The following GGN variants were observed in gnomAD, a reference collection of about 807,000 sequenced individuals.
GGN encodes gametogenetin.
In GGN, 27 loss-of-function variants were observed where a neutral mutation model predicts 35.5. The observed-to-expected ratio is 0.76, with a 90% CI of 0.56 to 1.05. GGN has a LOEUF of 1.05. GGN is among the 50% of genes least tolerant of loss of function. The pLI is 0.00. For missense variants in GGN, 1,006 were observed against 940.7 expected (o/e 1.07, Z -0.91); for synonymous variants, 425 against 444.1 (o/e 0.96, Z 0.54).
chr19:38,386,079 C>T lies in GGN; in HGVS notation c.1183G>A (p.Glu395Lys). The change falls in exon 3 of 4, where the codon GAG (glutamate) becomes AAG (lysine). Residue 395 changes from glutamate to lysine, a missense_variant. Transcript: ENST00000334928. Reference sequence around the variant, plus strand: ...GGCCCGGGAGCTGAGTGTATCTGCTCTGGTGGTGGCGGAGGGGAGCCCCAA... The same window carrying T: ...GGCCCGGGAGCTGAGTGTATCTGCTTTGGTGGTGGCGGAGGGGAGCCCCAA... ...GPWGSPPPPP[E>K]QIHSAPGPRR... 1.9e-6 allele frequency: 3 copies of T among 1,587,330 alleles called. No individual in the cohort carries two copies. The highest frequency in any genetic ancestry group is 2.6e-6 in the Non-Finnish European group (3 of 1,168,726).
rs1970715163 is a variant in GGN at position 38,386,112 on chromosome 19, A to T, written c.1150T>A (p.Ser384Thr). The change falls in exon 3 of 4, where the codon TCT becomes ACT. Residue 384 changes from serine (S) to threonine (T), a missense_variant. By Grantham distance (58) the Ser-to-Thr change is moderately conservative (BLOSUM62 1). Coordinates refer to ENST00000334928, the MANE Select transcript of GGN (RefSeq NM_152657.4). ...GGCGGAGGGGAGCCCCAAGGCCCAG[A>T]GAGTGCGGCCGCACGCCGTCGCGGC... is the stretch of plus-strand genomic sequence containing the variant. ...GAPRRRAAAL[S>T]GPWGSPPPPP... 1 of 1,584,364 alleles carries T rather than the reference A, an allele frequency of 6.3e-7. No individual in the cohort carries two copies. Among genetic ancestry groups the T allele is most frequent in the South Asian group, 1.1e-5 (1 of 88,374 alleles).
At chr19:38,385,341 G>A (rs1316835647) in intron 3 of GGN, 80 bp downstream of exon 3, 42 of 1,582,836 alleles carry the variant, frequency 2.7e-5, no homozygotes, top group Non-Finnish European at 3.4e-5. Context: ...TCATTCTAGG[G>A]TCAGGAAGCC....
chr19:38,386,009 A>G lies in GGN; in HGVS notation c.1253T>C (p.Phe418Ser). 1 of 1,607,726 alleles carries G rather than the reference A, an allele frequency of 6.2e-7. No individual in the cohort carries two copies. Among genetic ancestry groups the G allele is most frequent in the South Asian group, 1.1e-5 (1 of 90,274 alleles). Residue 418 changes from phenylalanine (F) to serine (S), a missense_variant, in exon 3 of 4, where the codon TTC (phenylalanine) becomes TCC (serine). By Grantham distance (155) the Phe-to-Ser change is radical. Coordinates refer to ENST00000334928, the MANE Select transcript of GGN (RefSeq NM_152657.4). ...GGGCTCGCCATTGGTGGGTGCTGGGAAGATGAACGTAGGCGGCGCCAGCAG... is the reference window on the plus strand; with the variant it reads ...GGGCTCGCCATTGGTGGGTGCTGGGGAGATGAACGTAGGCGGCGCCAGCAG... ...PALLAPPTFI[F>S]PAPTNGEPMR...
In GGN at chr19:38,385,664, G is replaced by A. The variant is rs868626964; in HGVS notation, c.1598C>T (p.Ala533Val). Residue 533 changes from alanine (A) to valine (V), a missense_variant, in exon 3 of 4, where the codon GCA becomes GTA. Ala to Val is a moderately conservative substitution (Grantham distance 64). Coordinates refer to ENST00000334928, the MANE Select transcript of GGN (RefSeq NM_152657.4). ...ATCCTTACGGGTCGCGCCCCGGGCTGCACGGGAACCCTTGTTCCTGCGCGT... is the reference window on the plus strand; with the variant it reads ...ATCCTTACGGGTCGCGCCCCGGGCTACACGGGAACCCTTGTTCCTGCGCGT... The part of the protein sequence containing the change: ...TRTRRNKGSR[A>V]ARGATRKDGL... 6.2e-7 allele frequency: 1 copy of A among 1,613,788 alleles called. No homozygotes were observed.
At position 38,385,437 on chromosome 19, in the gene GGN, G is replaced by A. The variant is rs781537081; in HGVS notation, c.1825C>T (p.Arg609Cys). The change falls in exon 3 of 4, where the codon CGC becomes TGC. Residue 609 changes from arginine to cysteine, a missense_variant. Coordinates refer to ENST00000334928, the MANE Select transcript of GGN (RefSeq NM_152657.4). ...CCCTCTCACCAGGCAGAGACGTTGC[G>A]TGGCAGGCGGCGATGGCGTGGCTGG... ...HHQPRHRRLP[R>C]NVSAWLSTST... The A allele has an allele frequency of 3.3e-5, 54 of 1,614,006 alleles. No individual in the cohort carries two copies. The highest frequency in any genetic ancestry group is 4.5e-5 in the Non-Finnish European group (53 of 1,180,056).
chr19:38,385,090 C>T (rs559116589), intron 3 of GGN, among the ~76,000 whole-genome samples: 2 of 152,304 alleles, frequency 1.3e-5, no homozygotes, highest in African/African-American at 4.8e-5. Flanking sequence ...TCCTTGATAC[C>T]CTCAGGGACA....
In GGN at chr19:38,385,537, AGCTGCCCCAGTCTGAGAGGCCCC is replaced by A. The variant is rs1970694217; in HGVS notation, c.1702_1724del (p.Gly568Ter). The A allele has an allele frequency of 6.2e-7, 1 of 1,613,990 alleles. No individual in the cohort carries two copies. On this transcript the variant is annotated frameshift_variant, in exon 3 of 4. Transcript: ENST00000334928. LOFTEE classifies it high-confidence loss of function. ...GCCAGTGGCGCGCAGCGCGGGTGTT[AGCTGCCCCAGTCTGAGAGGCCCC>A]GCTGCCACCACCCCCTCCACCACTG...
chr19:38,386,143 G>A lies in GGN; in HGVS notation c.1119C>T (p.Ile373=), dbSNP rs758074799. 3.2e-6 allele frequency: 5 copies of A among 1,582,838 alleles called. No homozygotes were observed. Among genetic ancestry groups the A allele is most frequent in the Non-Finnish European group, 4.3e-6 (5 of 1,169,412 alleles). Residue 373 remains isoleucine (I), a synonymous_variant, in exon 3 of 4, where the codon ATC becomes ATT. Coordinates refer to ENST00000334928, the MANE Select transcript of GGN (RefSeq NM_152657.4). The part of the protein sequence containing the change: ...HFRFNGAGGG[I]GAPRRRAAAL... The stretch of plus-strand genomic sequence containing the variant: ...CGGCCGCACGCCGTCGCGGCGCCCC[G>A]ATGCCTCCGCCAGCCCCGTTGAAGC...
At position 38,386,860 on chromosome 19, in the gene GGN, G is replaced by T; in HGVS notation, c.402C>A (p.Gly134=). 6.3e-7 allele frequency: 1 copy of T among 1,592,540 alleles called. No homozygotes were observed. The highest frequency in any genetic ancestry group is 1.8e-5 in the Admixed American group (1 of 56,778). ...RLLEASHRGQ[G]DPPSLRPLKP... ...TCAGCGGGCGGAGGCTCGGAGGGTC[G>T]CCCTGGCCGCGATGGCTCGCCTCCA... The change falls in exon 3 of 4, where the codon GGC becomes GGA. Residue 134 remains glycine, a synonymous_variant. Coordinates refer to ENST00000334928, the MANE Select transcript of GGN (RefSeq NM_152657.4).
At position 38,385,731 on chromosome 19, in the gene GGN, C is replaced by T; in HGVS notation, c.1531G>A (p.Val511Met). ...APTVAEPSPP[V>M]SAPAPAAAPI... Reference sequence around the variant, plus strand: ...GCAGCCGCGGGTGCGGGCGCGGACACAGGCGGCGAGGGCTCAGCCACGGTG... The same window carrying T: ...GCAGCCGCGGGTGCGGGCGCGGACATAGGCGGCGAGGGCTCAGCCACGGTG... Residue 511 changes from valine (V) to methionine (M), a missense_variant, in exon 3 of 4, where the codon GTG (valine) becomes ATG (methionine). By Grantham distance (21) the Val-to-Met change is conservative (BLOSUM62 1). Coordinates refer to ENST00000334928, the MANE Select transcript of GGN (RefSeq NM_152657.4). The T allele has an allele frequency of 6.2e-7, 1 of 1,600,784 alleles. No homozygotes were observed.
chr19:38,385,990 G>A lies in GGN; in HGVS notation c.1272C>T (p.Gly424=), dbSNP rs188124917. ...PTFIFPAPTN[G]EPMRPGPPGL... Reference sequence around the variant, plus strand: ...CTGGAGGCCCCGGGCGCATGGGCTCGCCATTGGTGGGTGCTGGGAAGATGA... The same window carrying A: ...CTGGAGGCCCCGGGCGCATGGGCTCACCATTGGTGGGTGCTGGGAAGATGA... The change falls in exon 3 of 4, where the codon GGC becomes GGT. Residue 424 remains glycine (G), a synonymous_variant. Coordinates refer to ENST00000334928, the MANE Select transcript of GGN (RefSeq NM_152657.4). 3.1e-5 allele frequency: 50 copies of A among 1,607,182 alleles called. No homozygotes were observed. The East Asian group carries it at 1.0e-3, about 32-fold the overall frequency.
intron 3 of GGN, 72 bp from the exon 4 acceptor site, chr19:38,384,601 G>A (rs1970679803): frequency 9.2e-6 from 10 of 1,090,672 alleles, no homozygotes; most frequent in Non-Finnish European, 1.4e-5. Flanking sequence ...GGGCCTCCCT[G>A]TCCCCATATG....
chr19:38,386,785 C>A lies in GGN; in HGVS notation c.477G>T (p.Arg159Ser), dbSNP rs1182193534. 1 of 1,610,978 alleles carries A rather than the reference C, an allele frequency of 6.2e-7. No homozygotes were observed. Among genetic ancestry groups the A allele is most frequent in the Admixed American group, 1.7e-5 (1 of 59,746 alleles). The change falls in exon 3 of 4, where the codon AGG becomes AGT. Residue 159 changes from arginine to serine, a missense_variant. By Grantham distance (110) the Arg-to-Ser change is moderately radical. Coordinates refer to ENST00000334928, the MANE Select transcript of GGN (RefSeq NM_152657.4). Reference protein sequence around the residue: ...RQLSVKDTVPRAPSQFPPPLE... With the variant: ...RQLSVKDTVPSAPSQFPPPLE... ...GGGGCGGCGGAAATTGGGATGGGGC[C>A]CTCGGGACAGTGTCCTTCACGGATA...
At position 38,386,629 on chromosome 19, in the gene GGN, C is replaced by G. The variant is rs1458656071; in HGVS notation, c.633G>C (p.Gln211His). Reference sequence around the variant, plus strand: ...CCCCTCCGCGAGCCCTGCCGGCCGTCTGGCCCTGGTTGCGGGGCCCAGCCT... The same window carrying G: ...CCCCTCCGCGAGCCCTGCCGGCCGTGTGGCCCTGGTTGCGGGGCCCAGCCT... ...ESQAGPRNQG[Q>H]TAGRARGGAP... Residue 211 changes from glutamine (Q) to histidine (H), a missense_variant, in exon 3 of 4, where the codon CAG becomes CAC. Physicochemically the swap from Gln to His is conservative, Grantham distance 24 (BLOSUM62 0). Transcript: ENST00000334928. The G allele has an allele frequency of 5.6e-6, 9 of 1,612,646 alleles. No individual in the cohort carries two copies. The highest frequency in any genetic ancestry group is 7.6e-6 in the Non-Finnish European group (9 of 1,179,316).
chr19:38,385,357 G>A (rs773853207), intron 3 of GGN, 64 bp downstream of exon 3: 19 of 1,604,014 alleles, frequency 1.2e-5, no homozygotes, highest in Non-Finnish European at 1.5e-5. Flanking sequence ...AAGCCAAAGG[G>A]CTGAGTAGGA....
Position 38,385,924 on chromosome 19 carries a change from C to T in GGN, c.1338G>A (p.Pro446=), listed in dbSNP as rs1305083025. Reference sequence around the variant, plus strand: ...GGAGCGCTGGTGGCTGCAGTGTGGGCGGCGGTGTGGGCGGTGGCAGCGGTG... The same window carrying T: ...GGAGCGCTGGTGGCTGCAGTGTGGGTGGCGGTGTGGGCGGTGGCAGCGGTG... ...ELPPLPPPTP[P]PTLQPPALQP... The change falls in exon 3 of 4, where the codon CCG becomes CCA. Residue 446 remains proline, a synonymous_variant. Coordinates refer to ENST00000334928, the MANE Select transcript of GGN (RefSeq NM_152657.4). 9 of 1,575,156 alleles carry T rather than the reference C, an allele frequency of 5.7e-6. No individual in the cohort carries two copies. The highest frequency in any genetic ancestry group is 4.7e-5 in the East Asian group (2 of 42,658).
intron 3 of GGN, 65 bp downstream of exon 3, chr19:38,385,356 G>C: frequency 1.2e-6 from 2 of 1,601,406 alleles, no homozygotes; most frequent in Admixed American, 3.4e-5. Flanking sequence ...GAAGCCAAAG[G>C]GCTGAGTAGG....
intron 3 of GGN, 98 bp downstream of exon 3, chr19:38,385,323 G>T: frequency 6.6e-7 from 1 of 1,508,336 alleles, no homozygotes; most frequent in South Asian, 1.2e-5. Flanking sequence ...AGAGATGAAG[G>T]CCACGGGTCA....
chr19:38,388,300 A>G (rs1033838799), upstream of GGN: 2 of 375,290 alleles, frequency 5.3e-6, no homozygotes, highest in African/African-American at 4.2e-5. Flanking sequence ...TGACGCACGC[A>G]CTAGTCCTCG....
Sources: allele counts gnomAD v4.1 joint callset (sites outside exome capture counted in the v4.1 genomes callset), GRCh38; gene constraint gnomAD v4.1.1; transcripts MANE v1.5; gene names NCBI Gene and HGNC (gene_info 2026-07-23, HGNC 2026-07-21).